Variants in FOXP2 observed in about 807,000 individuals in gnomAD.
The protein encoded by FOXP2 is forkhead box protein P2.
Under a neutral mutation model 115.8 loss-of-function variants are expected in FOXP2, and 12 were observed. The observed-to-expected ratio is 0.10, with a 90% CI of 0.07 to 0.17. FOXP2 has a LOEUF of 0.17. Ranked by LOEUF, FOXP2 falls within the 10% of genes least tolerant of loss-of-function variation. The pLI is 1.00. For synonymous variants in FOXP2, 328 were observed against 297.7 expected, an observed-to-expected ratio of 1.10 and a Z score of -1.05; for missense variants, 629 against 843.5, an observed-to-expected ratio of 0.75 and a Z score of 3.15.
chr7:114,566,445 T>A (rs1049747157), intron 3 of FOXP2, among the ~76,000 whole-genome samples: 2 of 152,102 alleles, frequency 1.3e-5, no homozygotes, highest in African/African-American at 4.8e-5. Flanking sequence ...TCTCTCACTC[T>A]ACTAGTTCCC....
At chr7:114,321,458 A>G (rs968586927) in intron 2 of FOXP2, among the ~76,000 whole-genome samples, 1 of 151,998 alleles carries the variant, frequency 6.6e-6, no homozygotes, top group Non-Finnish European at 1.5e-5. Context: ...TCAGCCTCCC[A>G]AAGTGCTGGG....
At chr7:114,304,860 C>T (rs1034294652) in intron 2 of FOXP2, among the ~76,000 whole-genome samples, 7 of 151,566 alleles carry the variant, frequency 4.6e-5, no homozygotes, top group South Asian at 2.1e-4. Context: ...TCTGAAACAA[C>T]GTTAAAGGCA....
At position 114,693,232 on chromosome 7, in the gene FOXP2, A is replaced by G. The variant is rs1176573304; in HGVS notation, c.*3306A>G. 1 of 449,866 alleles carries G rather than the reference A, an allele frequency of 2.2e-6. No homozygotes were observed. Among genetic ancestry groups the G allele is most frequent in the Admixed American group, 2.4e-5 (1 of 42,224 alleles). The allele number at this position is 449,866 out of a possible 1,614,324, so 27.9% of individuals were successfully genotyped here. A position where few individuals can be genotyped will look rare whatever the true frequency, so the allele number is the denominator to read the frequency against. On this transcript the variant is annotated 3_prime_UTR_variant, in exon 17 of 17. Coordinates refer to ENST00000350908, the MANE Select transcript of FOXP2 (RefSeq NM_014491.4). ...TTTTCTTTAGATAACTCAGATATGG[A>G]GAAAATGTCATCAGCATTCTGTGTC...
At chr7:114,110,838 G>A (rs527852581) in intron 1 of FOXP2, among the ~76,000 whole-genome samples, 3 of 152,186 alleles carry the variant, frequency 2.0e-5, no homozygotes, top group African/African-American at 7.2e-5. Flanking sequence ...TCTTCCATAA[G>A]AGCTTTAAGA....
At chr7:114,688,249 C>T (rs71544755) in intron 16 of FOXP2, among the ~76,000 whole-genome samples, 12 of 116,524 alleles carry the variant, frequency 1.0e-4, no homozygotes, top group Middle Eastern at 5.0e-3. Flanking sequence ...ACACACACAT[C>T]TTTTTTTTTT....
At chr7:114,620,515 T>C (rs560504793) in intron 3 of FOXP2, among the ~76,000 whole-genome samples, 1 of 152,164 alleles carries the variant, frequency 6.6e-6, no homozygotes, top group South Asian at 2.1e-4. Context: ...CCTATAATGC[T>C]AGAAACCTTT....
At chr7:114,324,352 C>T (rs1270379091) in intron 2 of FOXP2, among the ~76,000 whole-genome samples, 4 of 151,944 alleles carry the variant, frequency 2.6e-5, no homozygotes, top group Non-Finnish European at 4.4e-5. Context: ...TAATTTTCCT[C>T]TGCTATATAC....
At chr7:114,176,183 TG>T (rs1415410563) in intron 1 of FOXP2, among the ~76,000 whole-genome samples, 4 of 5,180 alleles carry the variant, frequency 7.7e-4, no homozygotes, top group Admixed American at 4.5e-3. Context: ...TCTCTTTTCT[TG>T]TCTTGTCTTG....
At chr7:114,334,458 T>G (rs866834236) in intron 2 of FOXP2, among the ~76,000 whole-genome samples, 2 of 151,964 alleles carry the variant, frequency 1.3e-5, no homozygotes, top group African/African-American at 2.4e-5. Flanking sequence ...ATAGTGTAAG[T>G]TTTCATATTT....
At chr7:114,597,433 G>C (rs904413136) in intron 3 of FOXP2, among the ~76,000 whole-genome samples, 6 of 152,068 alleles carry the variant, frequency 3.9e-5, no homozygotes, top group African/African-American at 1.2e-4. Context: ...ATACATTATA[G>C]TCCATTCTGA....
intron 2 of FOXP2, among the ~76,000 whole-genome samples, chr7:114,341,298 A>C (rs1434655652): frequency 2.0e-5 from 3 of 151,236 alleles, no homozygotes; most frequent in Non-Finnish European, 4.4e-5. Context: ...ACTCAGTAAG[A>C]CATCGTCTTT....
intron 3 of FOXP2, among the ~76,000 whole-genome samples, chr7:114,550,452 A>G (rs1186061270): frequency 6.6e-6 from 1 of 151,332 alleles, no homozygotes; most frequent in Non-Finnish European, 1.5e-5. Flanking sequence ...CTTTCTTCCA[A>G]CCTCCCTCTC....
At chr7:114,155,469 T>A (rs564793131) in intron 1 of FOXP2, among the ~76,000 whole-genome samples, 1 of 152,254 alleles carries the variant, frequency 6.6e-6, no homozygotes, top group South Asian at 2.1e-4. Flanking sequence ...AAAATATATT[T>A]CTTTGACATA....
intron 2 of FOXP2, among the ~76,000 whole-genome samples, chr7:114,525,478 G>C (rs908608032): frequency 2.0e-5 from 3 of 152,188 alleles, no homozygotes; most frequent in African/African-American, 7.2e-5. Flanking sequence ...ATCAGTGTAT[G>C]TGGAAGCACA....
chr7:114,654,861 G>C (rs997154846), intron 10 of FOXP2, among the ~76,000 whole-genome samples: 3 of 152,036 alleles, frequency 2.0e-5, no homozygotes, highest in Admixed American at 1.3e-4. Context: ...ATTTGGCTTT[G>C]TAGTTGGGGA....
At chr7:114,275,572 C>T (rs571991646) in intron 1 of FOXP2, among the ~76,000 whole-genome samples, 1 of 152,186 alleles carries the variant, frequency 6.6e-6, no homozygotes, top group South Asian at 2.1e-4. Context: ...GCTTCTATTG[C>T]CCATCTGTTA....
chr7:114,620,094 G>A (rs1416116266), intron 3 of FOXP2, among the ~76,000 whole-genome samples: 1 of 151,896 alleles, frequency 6.6e-6, no homozygotes, highest in Non-Finnish European at 1.5e-5. Flanking sequence ...CATGGTAAGA[G>A]CACAAAACAA....
At chr7:114,145,819 A>G (rs931974205) in intron 1 of FOXP2, among the ~76,000 whole-genome samples, 2 of 152,210 alleles carry the variant, frequency 1.3e-5, no homozygotes, top group African/African-American at 4.8e-5. Context: ...TACTGTTTAA[A>G]AATTTCTATT....
chr7:114,272,209 A>C (rs1796081177), intron 1 of FOXP2, among the ~76,000 whole-genome samples: 2 of 150,724 alleles, frequency 1.3e-5, no homozygotes, highest in Admixed American at 1.3e-4. Context: ...TGAATGTTGA[A>C]CCAACCTTAC....
Sources: allele counts gnomAD v4.1 joint callset (sites outside exome capture counted in the v4.1 genomes callset), GRCh38; gene constraint gnomAD v4.1.1; transcripts MANE v1.5; gene names NCBI Gene and HGNC (gene_info 2026-07-23, HGNC 2026-07-21).